Variants in WLS observed in about 807,000 individuals in gnomAD.
WLS encodes the protein Wnt ligand secretion mediator, also known as protein wntless homolog.
Under a neutral mutation model 62.8 loss-of-function variants are expected in WLS, and 23 were observed. That is an observed-to-expected ratio of 0.37 (90% CI 0.26 to 0.52). The LOEUF (loss-of-function observed/expected upper bound fraction) is 0.52, where lower values mean the gene tolerates loss of function less well. Ranked by LOEUF, WLS falls within the 20% of genes least tolerant of loss-of-function variation. The pLI is 0.92. For synonymous variants in WLS, 246 were observed against 244.1 expected (o/e 1.01, Z -0.07); for missense variants, 615 against 697.3 (o/e 0.88, Z 1.33).
In WLS at chr1:68,144,593, A is replaced by G; in HGVS notation, c.1338T>C (p.Thr446=). The change falls in exon 10 of 12, where the codon ACT becomes ACC. Residue 446 remains threonine (T), a synonymous_variant. Coordinates refer to ENST00000262348, the MANE Select transcript of WLS (RefSeq NM_024911.7). ...MLITLACAAM[T]VIFFIVSQVT... ...CCTGACTAACGATGAAGAAGATGAC[A>G]GTCATGGCAGCGCAGGCCAAGGTGA... 6.8e-6 allele frequency: 11 copies of G among 1,613,756 alleles called. No individual in the cohort carries two copies. The highest frequency in any genetic ancestry group is 9.3e-6 in the Non-Finnish European group (11 of 1,179,722).
In WLS at chr1:68,137,911, C is replaced by G. The variant is rs1646633961; in HGVS notation, c.1385G>C (p.Trp462Ser). The G allele has an allele frequency of 1.9e-6, 3 of 1,613,898 alleles. No homozygotes were observed. The highest frequency in any genetic ancestry group is 2.5e-6 in the Non-Finnish European group (3 of 1,179,862). Reference protein sequence around the residue: ...VSQVTEGHWKWGGVTVQVNSA... With the variant: ...VSQVTEGHWKSGGVTVQVNSA... ...GTTCACTTGGACTGTGACGCCGCCC[C>G]ATTTCCAATGGCCTTCCGTTACCTG... is the stretch of plus-strand genomic sequence containing the variant. Residue 462 changes from tryptophan (W) to serine (S), a missense_variant, in exon 11 of 12, where the codon TGG becomes TCG. By Grantham distance (177) the Trp-to-Ser change is radical. Coordinates refer to ENST00000262348, the MANE Select transcript of WLS (RefSeq NM_024911.7).
chr1:68,125,325 G>C, downstream of WLS: 2 of 985,356 alleles, frequency 2.0e-6, no homozygotes, highest in Non-Finnish European at 2.4e-6. Context: ...CCCACCTCTA[G>C]GTTCAACCTG....
intron 11 of WLS, among the ~76,000 whole-genome samples, chr1:68,106,296 T>C (rs1646141776): frequency 6.6e-6 from 1 of 152,170 alleles, no homozygotes; most frequent in Non-Finnish European, 1.5e-5. Context: ...GTGAGTGCTC[T>C]TGAGGAGATG....
At chr1:68,133,096 TAA>T (rs1314069232) in intron 11 of WLS, among the ~76,000 whole-genome samples, 3 of 152,054 alleles carry the variant, frequency 2.0e-5, no homozygotes, top group African/African-American at 7.2e-5. Flanking sequence ...GCAGAAAATA[TAA>T]GTGTTCCTTG....
At chr1:68,220,437 T>C (rs2100660105) in intron 1 of WLS, among the ~76,000 whole-genome samples, 1 of 152,358 alleles carries the variant, frequency 6.6e-6, no homozygotes, top group South Asian at 2.1e-4. Context: ...CGTTCTCTCA[T>C]TTAAATCCCA....
chr1:68,199,734 G>A (rs1256491895), intron 1 of WLS, among the ~76,000 whole-genome samples: 2 of 152,058 alleles, frequency 1.3e-5, no homozygotes, highest in Non-Finnish European at 2.9e-5. Context: ...AATAAACAGA[G>A]CCACACATAA....
In WLS at chr1:68,162,755, T is replaced by G. The variant is rs1346213330; in HGVS notation, c.380-3508A>C. 3.6e-6 allele frequency: 4 copies of G among 1,114,772 alleles called. No homozygotes were observed. In the South Asian group the frequency reaches 5.1e-5, roughly 14 times the overall value. The allele number at this position is 1,114,772 out of a possible 1,614,324, so 69.1% of individuals were successfully genotyped here. On this transcript the variant is annotated intron_variant, in intron 2 of 11. Transcript: ENST00000262348. ...ATTCCGAGCTCGCTGGCAGCCTTGA[T>G]GTCCACGTTATCGTAGCCACTGCCT...
chr1:68,115,377 A>G (rs1646277577), intron 11 of WLS, among the ~76,000 whole-genome samples: 1 of 152,214 alleles, frequency 6.6e-6, no homozygotes, highest in Admixed American at 6.5e-5. Flanking sequence ...TCTTGGGATG[A>G]CACTAGGAAT....
At chr1:68,151,458 CCTA>C (rs1346240527) in intron 5 of WLS, among the ~76,000 whole-genome samples, 3 of 152,046 alleles carry the variant, frequency 2.0e-5, no homozygotes, top group African/African-American at 7.2e-5. Context: ...TTATTAAACT[CCTA>C]CTATGTGTCA....
At chr1:68,158,591 A>T (rs976250334) in intron 3 of WLS, among the ~76,000 whole-genome samples, 43 of 137,700 alleles carry the variant, frequency 3.1e-4, no homozygotes, top group African/African-American at 1.1e-3. Context: ...CTGATGAGCT[A>T]AAAAAAAAAA....
At chr1:68,131,594 A>G (rs1379497402) in intron 11 of WLS, among the ~76,000 whole-genome samples, 1 of 152,024 alleles carries the variant, frequency 6.6e-6, no homozygotes, top group Non-Finnish European at 1.5e-5. Flanking sequence ...CCTGACACTT[A>G]CTGCCAGGCA....
At chr1:68,162,381 G>A in intron 2 of WLS, 2 of 1,613,956 alleles carry the variant, frequency 1.2e-6, no homozygotes. Context: ...AGGAGACGCA[G>A]TCGCTCTGAT....
At chr1:68,176,584 C>A (rs1341309408) in intron 2 of WLS, among the ~76,000 whole-genome samples, 1 of 152,210 alleles carries the variant, frequency 6.6e-6, no homozygotes, top group African/African-American at 2.4e-5. Flanking sequence ...CTTAGCTGGT[C>A]ATCAAGGCAA....
chr1:68,104,307 T>G (rs924965846), intron 11 of WLS, among the ~76,000 whole-genome samples: 2 of 152,186 alleles, frequency 1.3e-5, no homozygotes, highest in African/African-American at 4.8e-5. Context: ...TCGGTGGAGA[T>G]GACTCAGTAT....
intron 11 of WLS, among the ~76,000 whole-genome samples, chr1:68,104,107 G>GA (rs1646113551): frequency 6.6e-6 from 1 of 151,948 alleles, no homozygotes; most frequent in Non-Finnish European, 1.5e-5. Context: ...GCAGTAGGGA[G>GA]AAAACTAAAC....
At chr1:68,152,890 G>T (rs759254995) in intron 5 of WLS, among the ~76,000 whole-genome samples, 3 of 152,302 alleles carry the variant, frequency 2.0e-5, no homozygotes, top group Middle Eastern at 6.8e-3. Flanking sequence ...CTGTAAGTGA[G>T]AGGAGCTGGG....
intron 2 of WLS, 79 bp downstream of exon 2, chr1:68,193,876 T>C (rs1648506123): frequency 1.3e-6 from 2 of 1,527,638 alleles, no homozygotes; most frequent in Non-Finnish European, 1.8e-6. Context: ...TTTTTACTTT[T>C]ATTAGAATTG....
chr1:68,193,239 A>T (rs917975955), intron 2 of WLS, among the ~76,000 whole-genome samples: 1 of 151,804 alleles, frequency 6.6e-6, no homozygotes, highest in African/African-American at 2.4e-5. Flanking sequence ...TCAGTCAAAA[A>T]GGAAAAAACA....
chr1:68,156,126 G>A (rs915190909), intron 3 of WLS, among the ~76,000 whole-genome samples: 1 of 152,152 alleles, frequency 6.6e-6, no homozygotes, highest in Non-Finnish European at 1.5e-5. Context: ...TGTACCTGCT[G>A]AGGGGTGGGG....
Sources: allele counts gnomAD v4.1 joint callset (sites outside exome capture counted in the v4.1 genomes callset), GRCh38; gene constraint gnomAD v4.1.1; transcripts MANE v1.5; gene names NCBI Gene and HGNC (gene_info 2026-07-23, HGNC 2026-07-21).